The following OTOGL variants were observed in gnomAD, a reference collection of about 807,000 sequenced individuals.
OTOGL encodes the protein otogelin like, also known as otogelin-like protein.
A neutral mutation model predicts 318.5 loss-of-function variants in OTOGL; 285 were observed. That is an observed-to-expected ratio of 0.89 (90% CI 0.81 to 0.99). The LOEUF is 0.99. Ranked by LOEUF, OTOGL falls within the 50% of genes least tolerant of loss-of-function variation. The pLI is 0.00. For missense variants in OTOGL, 2,899 were observed against 2,845.6 expected, an observed-to-expected ratio of 1.02 and a Z score of -0.43; for synonymous variants, 987 against 936.5, an observed-to-expected ratio of 1.05 and a Z score of -0.99.
intron 35 of OTOGL, among the ~76,000 whole-genome samples, chr12:80,324,186 G>C (rs981952049): frequency 1.3e-5 from 2 of 152,164 alleles, no homozygotes; most frequent in African/African-American, 4.8e-5. Context: ...AATAAAGGAA[G>C]GTAAGGGAGA....
chr12:80,210,262 C>A (rs1877147327), intron 2 of OTOGL, among the ~76,000 whole-genome samples: 2 of 151,960 alleles, frequency 1.3e-5, no homozygotes, highest in Non-Finnish European at 2.9e-5. Flanking sequence ...AATAGATAAG[C>A]ACTTTATCAC....
intron 37 of OTOGL, among the ~76,000 whole-genome samples, chr12:80,329,665 C>G (rs1887946570): frequency 6.6e-6 from 1 of 152,186 alleles, no homozygotes; most frequent in Non-Finnish European, 1.5e-5. Flanking sequence ...TGAAGCTTGC[C>G]TCAGGGAAGG....
At chr12:80,374,512 C>A (rs1436137124) in intron 57 of OTOGL, among the ~76,000 whole-genome samples, 2 of 152,062 alleles carry the variant, frequency 1.3e-5, no homozygotes, top group African/African-American at 4.8e-5. Context: ...ACATTCTGTT[C>A]ATTAGAAATA....
chr12:80,353,484 C>G lies in OTOGL; in HGVS notation c.5567C>G (p.Ala1856Gly), dbSNP rs375881398. 18 of 1,590,780 alleles carry G rather than the reference C, an allele frequency of 1.1e-5. No individual in the cohort carries two copies. Among genetic ancestry groups the G allele is most frequent in the African/African-American group, 1.3e-5 (1 of 74,504 alleles). The change falls in exon 46 of 59, where the codon GCC becomes GGC. Residue 1856 changes from alanine to glycine, a missense_variant. By Grantham distance (60) the Ala-to-Gly change is moderately conservative. This residue lies in a region of OTOGL where 2,607 missense variants were observed against 2,524.9 expected (regional missense o/e 1.03). Transcript: ENST00000547103. ...VGTILHRPHSAQCIPEKECAC... is the reference protein window; with the variant it reads ...VGTILHRPHSGQCIPEKECAC... The stretch of plus-strand genomic sequence containing the variant: ...ACTATTCTTCACAGGCCACATTCAG[C>G]CCAGTGCATTCCAGAGAAAGAGTGT...
chr12:80,183,943 A>G (rs184642043), intron 1 of OTOGL, among the ~76,000 whole-genome samples: 218 of 152,292 alleles, frequency 1.4e-3, no homozygotes, highest in African/African-American at 5.1e-3. Flanking sequence ...TTGAATTATA[A>G]TATCTGGATG....
intron 57 of OTOGL, among the ~76,000 whole-genome samples, chr12:80,375,335 G>A (rs976056629): frequency 1.1e-4 from 16 of 152,126 alleles, no homozygotes; most frequent in Non-Finnish European, 2.1e-4. Context: ...GAATTAACTC[G>A]TTGGGTTTTT....
intron 26 of OTOGL, among the ~76,000 whole-genome samples, chr12:80,295,968 A>G (rs57653400): frequency 1.4e-4 from 21 of 150,162 alleles, no homozygotes; most frequent in Admixed American, 5.3e-4. Context: ...AAAGTTAGAA[A>G]CTTTGATTCT....
At chr12:80,337,679 G>GAA (rs201390627) in intron 42 of OTOGL, among the ~76,000 whole-genome samples, 3 of 149,994 alleles carry the variant, frequency 2.0e-5, no homozygotes, top group Admixed American at 1.3e-4. Context: ...TGTAAAATAT[G>GAA]AAAAAAAAAT....
chr12:80,234,655 C>G (rs925752589), intron 9 of OTOGL, among the ~76,000 whole-genome samples: 1 of 152,240 alleles, frequency 6.6e-6, no homozygotes, highest in East Asian at 1.9e-4. Context: ...ATAGTCATCT[C>G]CAAGTATTTC....
chr12:80,196,952 C>T (rs192069114), intron 1 of OTOGL, among the ~76,000 whole-genome samples: 1 of 152,072 alleles, frequency 6.6e-6, no homozygotes, highest in African/African-American at 2.4e-5. Flanking sequence ...AAAAGCCAAC[C>T]AGTACTTAAC....
At chr12:80,101,208 A>G (rs1304061289) in intron 1 of OTOGL, among the ~76,000 whole-genome samples, 1 of 152,136 alleles carries the variant, frequency 6.6e-6, no homozygotes, top group Admixed American at 6.6e-5. Context: ...TGCTCCTCCT[A>G]CGTGAAAGGT....
intron 52 of OTOGL, among the ~76,000 whole-genome samples, chr12:80,362,640 T>C (rs1396875427): frequency 6.6e-6 from 1 of 152,162 alleles, no homozygotes; most frequent in Non-Finnish European, 1.5e-5. Context: ...TTTTGTTATA[T>C]TTGATTACAA....
At chr12:80,144,735 A>C (rs1267716124) in intron 1 of OTOGL, among the ~76,000 whole-genome samples, 1 of 152,166 alleles carries the variant, frequency 6.6e-6, no homozygotes, top group Non-Finnish European at 1.5e-5. Context: ...CTGACTTTAT[A>C]ATGATTGCCA....
chr12:80,353,418 C>G lies in OTOGL; in HGVS notation c.5501C>G (p.Ser1834Cys). 1 of 1,603,842 alleles carries G rather than the reference C, an allele frequency of 6.2e-7. No individual in the cohort carries two copies. Among genetic ancestry groups the G allele is most frequent in the Non-Finnish European group, 8.5e-7 (1 of 1,174,708 alleles). The change falls in exon 46 of 59, where the codon TCC (serine) becomes TGC (cysteine). Residue 1834 changes from serine to cysteine, a missense_variant. Ser to Cys is a moderately radical substitution (Grantham distance 112). Transcript: ENST00000547103. The stretch of plus-strand genomic sequence containing the variant: ...AACCAATGGTTCTATGGACACACTT[C>G]CTGTTTGAATCTAAGAGAAGACTGT... Reference protein sequence around the residue: ...CLNQWFYGHTSCLNLREDCVC... With the variant: ...CLNQWFYGHTCCLNLREDCVC...
intron 24 of OTOGL, among the ~76,000 whole-genome samples, chr12:80,274,110 G>T (rs1386698669): frequency 6.6e-6 from 1 of 151,940 alleles, no homozygotes; most frequent in African/African-American, 2.4e-5. Flanking sequence ...AAAGTTCAAG[G>T]GAAAGGAAGA....
intron 1 of OTOGL, among the ~76,000 whole-genome samples, chr12:80,102,394 G>T (rs1013706820): frequency 6.6e-6 from 1 of 152,132 alleles, no homozygotes; most frequent in South Asian, 2.1e-4. Context: ...TTCCTTGTAT[G>T]AACTGCACCA....
At chr12:80,326,119 G>A (rs1887664699) in intron 35 of OTOGL, among the ~76,000 whole-genome samples, 1 of 152,068 alleles carries the variant, frequency 6.6e-6, no homozygotes, top group Non-Finnish European at 1.5e-5. Context: ...CAGTACTTGA[G>A]GAAGGACTCA....
chr12:80,320,652 TATG>T lies in OTOGL; in HGVS notation c.4039_4041del (p.Asp1347del). 1.2e-6 allele frequency: 2 copies of T among 1,608,682 alleles called. No homozygotes were observed. Among genetic ancestry groups the T allele is most frequent in the South Asian group, 2.2e-5 (2 of 90,128 alleles). On this transcript the variant is annotated inframe_deletion, in exon 34 of 59. Transcript: ENST00000547103. ...AGATTCTAGTGTCAAAGCATCAAAA[TATG>T]ATGATTCTGAAGAATTTAAACATTC...
At chr12:80,221,482 T>G (rs943713471) in intron 6 of OTOGL, among the ~76,000 whole-genome samples, 6 of 152,098 alleles carry the variant, frequency 3.9e-5, no homozygotes, top group African/African-American at 1.4e-4. Flanking sequence ...TTACCCAGGC[T>G]GGTCTCAAAC....
Sources: allele counts gnomAD v4.1 joint callset (sites outside exome capture counted in the v4.1 genomes callset), GRCh38; gene constraint gnomAD v4.1.1; regional missense constraint gnomAD v4.1.1; transcripts MANE v1.5; gene names NCBI Gene and HGNC (gene_info 2026-07-23, HGNC 2026-07-21).